The following KIF7 variants were observed in gnomAD, a reference collection of about 807,000 sequenced individuals.
The protein encoded by KIF7 is kinesin family member 7, also known as kinesin-like protein KIF7.
Under a neutral mutation model 135.7 loss-of-function variants are expected in KIF7, and 104 were observed. That is an observed-to-expected ratio of 0.77 (90% CI 0.65 to 0.90). The LOEUF (loss-of-function observed/expected upper bound fraction) is 0.90, where lower values mean the gene tolerates loss of function less well. KIF7 is among the 40% of genes least tolerant of loss of function. KIF7 has a pLI of 0.00. For synonymous variants in KIF7, 883 were observed against 809.4 expected (o/e 1.09, Z -1.54); for missense variants, 2,005 against 1,839.1 (o/e 1.09, Z -1.65).
At position 89,633,006 on chromosome 15, in the gene KIF7, A is replaced by AGTAGGGAGGGAGGGAG. The variant is rs1963715703; in HGVS notation, c.2719-26_2719-11dup. ...TCTGCTCCTCAATCTTCTAAGGAAAAGTAGGGAGGGAGGGAGGGAACTCAG... is the reference window on the plus strand; with the variant it reads ...TCTGCTCCTCAATCTTCTAAGGAAAAGTAGGGAGGGAGGGAGGTAGGGAGGGAGGGAGGGAACTCAG... On this transcript the variant is annotated splice_polypyrimidine_tract_variant and intron_variant, in intron 13 of 18. Coordinates refer to ENST00000394412, the MANE Select transcript of KIF7 (RefSeq NM_198525.3). 2.9e-6 allele frequency: 1 copy of AGTAGGGAGGGAGGGAG among 339,256 alleles called. No homozygotes were observed. The allele number at this position is 339,256 out of a possible 1,614,324, so 21.0% of individuals were successfully genotyped here. A position where few individuals can be genotyped will look rare whatever the true frequency, so the allele number is the denominator to read the frequency against.
chr15:89,658,312 T>C (rs1402100330), upstream of KIF7, among the ~76,000 whole-genome samples: 1 of 151,544 alleles, frequency 6.6e-6, no homozygotes, highest in Admixed American at 6.6e-5. Flanking sequence ...TAGCTGGGCC[T>C]GGTGGTGTGC....
At chr15:89,641,259 G>T (rs890697488) in intron 11 of KIF7, among the ~76,000 whole-genome samples, 4 of 152,040 alleles carry the variant, frequency 2.6e-5, no homozygotes, top group Non-Finnish European at 5.9e-5. Context: ...GACACAGCCA[G>T]GAAGTGGCCG....
downstream of KIF7, among the ~76,000 whole-genome samples, chr15:89,623,331 G>T (rs957584752): frequency 3.9e-5 from 6 of 152,226 alleles, no homozygotes; most frequent in Admixed American, 2.0e-4. Flanking sequence ...AGCTGCAGTG[G>T]TAGAATGATT....
chr15:89,629,665 C>G, intron 16 of KIF7, 92 bp from the exon 17 acceptor site: 1 of 1,533,306 alleles, frequency 6.5e-7, no homozygotes, highest in African/African-American at 1.4e-5. Context: ...GCACACTTGC[C>G]ACCACGGCAC....
intron 11 of KIF7, 67 bp from the exon 12 acceptor site, chr15:89,633,950 A>G: frequency 6.4e-7 from 1 of 1,566,934 alleles, no homozygotes; most frequent in Non-Finnish European, 8.8e-7. Flanking sequence ...AGTGCTGGGC[A>G]CTCAACAAGG....
At chr15:89,650,681 C>T (rs1438426447) in intron 2 of KIF7, among the ~76,000 whole-genome samples, 2 of 151,938 alleles carry the variant, frequency 1.3e-5, no homozygotes, top group Non-Finnish European at 2.9e-5. Context: ...CATGAGCCAC[C>T]GCACCTAACC....
In KIF7 at chr15:89,647,500, C is replaced by G; in HGVS notation, c.1560+96G>C. 2.7e-6 allele frequency: 3 copies of G among 1,098,328 alleles called. No individual in the cohort carries two copies. In the Admixed American group the frequency reaches 5.2e-5, roughly 19 times the overall value. The allele number at this position is 1,098,328 out of a possible 1,614,324, so 68.0% of individuals were successfully genotyped here. On this transcript the variant is annotated intron_variant, in intron 6 of 18. Transcript: ENST00000394412. Reference sequence around the variant, plus strand: ...CTCTACACCCCTACCCCGCAGTACCCTACCCTAACTCCCTCCCATCCTGAG... The same window carrying G: ...CTCTACACCCCTACCCCGCAGTACCGTACCCTAACTCCCTCCCATCCTGAG...
chr15:89,630,482 C>T lies in KIF7; in HGVS notation c.3123G>A (p.Thr1041=), dbSNP rs146808726. 69 of 1,542,266 alleles carry T rather than the reference C, an allele frequency of 4.5e-5. No individual in the cohort carries two copies. The East Asian group carries it at 1.5e-3, about 34-fold the overall frequency. ...GSLLSPEEER[T]LFQLDEAIEA... ...CGATGGCCTCATCCAACTGGAACAGCGTCCGCTCCTCCTGCAGAGACGGGC... is the reference window on the plus strand; with the variant it reads ...CGATGGCCTCATCCAACTGGAACAGTGTCCGCTCCTCCTGCAGAGACGGGC... Residue 1041 remains threonine (T), a synonymous_variant, in exon 16 of 19, where the codon ACG becomes ACA. Coordinates refer to ENST00000394412, the MANE Select transcript of KIF7 (RefSeq NM_198525.3).
At chr15:89,629,292 G>A in intron 17 of KIF7, 83 bp downstream of exon 17, 2 of 1,207,280 alleles carry the variant, frequency 1.7e-6, no homozygotes, top group East Asian at 2.8e-5. Flanking sequence ...GGTGGGGGGA[G>A]GGAGGGGGGT....
At position 89,649,182 on chromosome 15, in the gene KIF7, C is replaced by T. The variant is rs1394292136; in HGVS notation, c.715G>A (p.Ala239Thr). The T allele has an allele frequency of 6.5e-6, 10 of 1,547,216 alleles. No homozygotes were observed. Among genetic ancestry groups the T allele is most frequent in the Admixed American group, 2.0e-5 (1 of 50,962 alleles). Residue 239 changes from alanine (A) to threonine (T), a missense_variant, in exon 4 of 19, where the codon GCC (alanine) becomes ACC (threonine). Physicochemically the swap from Ala to Thr is moderately conservative, Grantham distance 58 (BLOSUM62 0). Coordinates refer to ENST00000394412, the MANE Select transcript of KIF7 (RefSeq NM_198525.3). ...GRAPSRLPRP[A>T]PGQLLVSKFH... ...TTGGAGACGAGCAGCTGGCCCGGGG[C>T]GGGGCGGGGTAGGCGGCTGGGGGCG...
At chr15:89,623,404 C>G (rs934980369), downstream of KIF7, among the ~76,000 whole-genome samples, 9 of 152,200 alleles carry the variant, frequency 5.9e-5, no homozygotes, top group African/African-American at 1.7e-4. Context: ...TGTTCTAGGA[C>G]AAACTAAACT....
intron 11 of KIF7, among the ~76,000 whole-genome samples, chr15:89,635,085 C>T (rs570913978): frequency 1.3e-5 from 2 of 151,338 alleles, no homozygotes; most frequent in Admixed American, 6.6e-5. Context: ...CTCACACGGC[C>T]GGGTACTCCA....
intron 1 of KIF7, chr15:89,621,489 C>T: frequency 1.2e-6 from 2 of 1,614,046 alleles, no homozygotes; most frequent in Non-Finnish European, 8.5e-7. Flanking sequence ...GAAAAGGGTT[C>T]AGCTCGAATG....
At chr15:89,625,603 T>G, downstream of KIF7, 1 of 1,613,144 alleles carries the variant, frequency 6.2e-7, no homozygotes, top group Non-Finnish European at 8.5e-7. Flanking sequence ...AGCCTCTTCC[T>G]GGGGACAGTT....
chr15:89,624,434 C>T (rs267604373), downstream of KIF7: 5 of 1,614,198 alleles, frequency 3.1e-6, no homozygotes, highest in South Asian at 2.2e-5. Context: ...ACCGTCCCTC[C>T]TCCACCCCCT....
chr15:89,652,590 C>T lies in KIF7; in HGVS notation c.328+13G>A. 6.7e-7 allele frequency: 1 copy of T among 1,502,466 alleles called. No individual in the cohort carries two copies. The highest frequency in any genetic ancestry group is 9.0e-7 in the Non-Finnish European group (1 of 1,114,100). The allele number at this position is 1,502,466 out of a possible 1,614,324, so 93.1% of individuals were successfully genotyped here. A position where few individuals can be genotyped will look rare whatever the true frequency, so the allele number is the denominator to read the frequency against. On this transcript the variant is annotated intron_variant, in intron 2 of 18. Coordinates refer to ENST00000394412, the MANE Select transcript of KIF7 (RefSeq NM_198525.3). The stretch of plus-strand genomic sequence containing the variant: ...CTTAAAGTGGGCACAGGGCCACGAA[C>T]AGGGTCACTCACCCACACTGGCCTC...
At chr15:89,634,057 G>C (rs899897159) in intron 11 of KIF7, among the ~76,000 whole-genome samples, 174 bp from the exon 12 acceptor site, 1 of 152,222 alleles carries the variant, frequency 6.6e-6, no homozygotes, top group Non-Finnish European at 1.5e-5. Flanking sequence ...CCAGCACTTT[G>C]AGAGGCTGAG....
At chr15:89,645,773 A>T in intron 8 of KIF7, 120 bp downstream of exon 8, 1 of 1,367,614 alleles carries the variant, frequency 7.3e-7, no homozygotes, top group Non-Finnish European at 9.9e-7. Flanking sequence ...ACATGAGGGC[A>T]TCCTAGGACC....
intron 11 of KIF7, among the ~76,000 whole-genome samples, chr15:89,634,087 T>TC (rs1222913342): frequency 6.6e-6 from 1 of 152,056 alleles, no homozygotes; most frequent in Non-Finnish European, 1.5e-5. Context: ...TTACTTGAGG[T>TC]CAGGAGTTTG....
Sources: gnomAD v4.1 joint callset for allele counts (sites outside exome capture counted in the v4.1 genomes callset) on GRCh38, gnomAD v4.1.1 for gene constraint, MANE v1.5 for transcripts, NCBI Gene and HGNC (gene_info 2026-07-23, HGNC 2026-07-21) for gene names.